The following KLHL26 variants were observed in gnomAD, a reference collection of about 807,000 sequenced individuals.
The protein encoded by KLHL26 is kelch-like protein 26.
A neutral mutation model predicts 7.1 loss-of-function variants in KLHL26; 4 were observed. The observed-to-expected ratio is 0.56, with a 90% confidence interval of 0.28 to 1.28. KLHL26 has a LOEUF of 1.28. Ranked by LOEUF, KLHL26 falls within the 50% of genes most tolerant of loss-of-function variation. KLHL26 has a pLI of 0.11. For missense variants in KLHL26, 896 were observed against 924.6 expected (o/e 0.97, Z 0.40); for synonymous variants, 465 against 414.1 (o/e 1.12, Z -1.49).
In KLHL26 at chr19:18,668,240, G is replaced by T. The variant is rs746330092; in HGVS notation, c.843G>T (p.Leu281=). ...MVEDVLCRQY[L]LEAFNYQVLP... is the part of the protein sequence containing the mutation. ...AGGACGTGCTGTGCCGCCAGTATCT[G>T]CTGGAGGCCTTCAACTACCAGGTGC... The change falls in exon 3 of 3, where the codon CTG becomes CTT. Residue 281 remains leucine, a synonymous_variant. Transcript: ENST00000300976. 1.2e-6 allele frequency: 2 copies of T among 1,612,196 alleles called. No homozygotes were observed. Among genetic ancestry groups the T allele is most frequent in the Admixed American group, 3.3e-5 (2 of 60,036 alleles).
chr19:18,655,704 A>G, intron 1 of KLHL26, among the ~76,000 whole-genome samples: 2 of 151,900 alleles, frequency 1.3e-5, no homozygotes, highest in African/African-American at 4.8e-5. Flanking sequence ...GGAGGCAGAG[A>G]GCTTGCTGCT....
At position 18,670,265 on chromosome 19, in the gene KLHL26, C is replaced by T. The variant is rs988136085; in HGVS notation, c.*1020C>T. 1.3e-5 allele frequency: 2 copies of T among 152,162 alleles called. No homozygotes were observed. Among genetic ancestry groups the T allele is most frequent in the Non-Finnish European group, 2.9e-5 (2 of 68,042 alleles). The allele number at this position is 152,162 out of a possible 1,614,324, so 9.4% of individuals were successfully genotyped here. On this transcript the variant is annotated 3_prime_UTR_variant, in exon 3 of 3. Coordinates refer to ENST00000300976, the MANE Select transcript of KLHL26 (RefSeq NM_018316.3). ...GGCCACATTTGTTCTAATGTCTGAACCTCTAAATCTTTTCTTTTTGATTGG... is the reference window on the plus strand; with the variant it reads ...GGCCACATTTGTTCTAATGTCTGAATCTCTAAATCTTTTCTTTTTGATTGG...
Position 18,660,392 on chromosome 19 carries a change from C to T in KLHL26, c.84-3869C>T, listed in dbSNP as rs544558176. The stretch of plus-strand genomic sequence containing the variant: ...GGCGGGCAGCAATGGCCTCTTGAGA[C>T]GGCCCTGGCCGGGGCTGCTGACGCA... On this transcript the variant is annotated intron_variant, in intron 1 of 2. Coordinates refer to ENST00000300976, the MANE Select transcript of KLHL26 (RefSeq NM_018316.3). Among the ~76,000 whole-genome samples the T allele has an allele frequency of 1.9e-4, 29 of 152,352 alleles. No homozygotes were observed. In the East Asian group the frequency reaches 5.0e-3, roughly 26 times the overall value.
chr19:18,662,156 G>C (rs992408776), intron 1 of KLHL26, among the ~76,000 whole-genome samples: 1 of 152,196 alleles, frequency 6.6e-6, no homozygotes, highest in Admixed American at 6.5e-5. Flanking sequence ...TGTTTCTTCT[G>C]ATGAAAATGT....
rs374677452 is a variant in KLHL26 at position 18,668,404 on chromosome 19, C to T, written c.1007C>T (p.Pro336Leu). 44 of 1,604,016 alleles carry T rather than the reference C, an allele frequency of 2.7e-5. No homozygotes were observed. The highest frequency in any genetic ancestry group is 1.2e-4 in the Admixed American group (7 of 59,532). The stretch of plus-strand genomic sequence containing the variant: ...AGCAAGGTCTACCAGCTGCCTGAGC[C>T]GGGAGCCCGCCACTTCCGCGAGCTC... The part of the protein sequence containing the change: ...VSSKVYQLPE[P>L]GARHFRELTE... The change falls in exon 3 of 3, where the codon CCG becomes CTG. Residue 336 changes from proline (P) to leucine (L), a missense_variant. By Grantham distance (98) the Pro-to-Leu change is moderately conservative. Coordinates refer to ENST00000300976, the MANE Select transcript of KLHL26 (RefSeq NM_018316.3).
chr19:18,653,122 C>T (rs982863250), intron 1 of KLHL26, among the ~76,000 whole-genome samples: 63 of 152,238 alleles, frequency 4.1e-4, no homozygotes, highest in African/African-American at 1.4e-3. Context: ...TGAGACTGCT[C>T]ACCAAGGCTC....
chr19:18,668,047 G>A lies in KLHL26; in HGVS notation c.650G>A (p.Arg217Gln), dbSNP rs1325421378. 1.9e-6 allele frequency: 3 copies of A among 1,608,162 alleles called. No homozygotes were observed. The highest frequency in any genetic ancestry group is 2.2e-5 in the South Asian group (2 of 91,090). ...CTGGTCTTCTTCCTGCAGAGCAACCGGCTGCAGAGCTGTGCCGAGATCGAC... is the reference window on the plus strand; with the variant it reads ...CTGGTCTTCTTCCTGCAGAGCAACCAGCTGCAGAGCTGTGCCGAGATCGAC... ...ERLVFFLQSN[R>Q]LQSCAEIDLF... is the part of the protein sequence containing the mutation. The change falls in exon 3 of 3, where the codon CGG becomes CAG. Residue 217 changes from arginine to glutamine, a missense_variant. By Grantham distance (43) the Arg-to-Gln change is conservative. Transcript: ENST00000300976.
intron 1 of KLHL26, chr19:18,644,734 G>A (rs932744446): frequency 2.0e-5 from 3 of 152,270 alleles, no homozygotes; most frequent in Admixed American, 6.5e-5. Flanking sequence ...GGGGCTGCTG[G>A]GGGGCAGTGG....
At position 18,667,721 on chromosome 19, in the gene KLHL26, C is replaced by T; in HGVS notation, c.324C>T (p.Gly108=). ...GCCAGGACGTCATCGAGCTGAAGGG[C>T]GTGTCGGCCCGTGGCCTGCGGCACA... is the stretch of plus-strand genomic sequence containing the variant. ...EASQDVIELK[G]VSARGLRHII... is the part of the protein sequence containing the mutation. Residue 108 remains glycine, a synonymous_variant, in exon 3 of 3, where the codon GGC becomes GGT. Coordinates refer to ENST00000300976, the MANE Select transcript of KLHL26 (RefSeq NM_018316.3). The T allele has an allele frequency of 2.5e-6, 4 of 1,613,076 alleles. No individual in the cohort carries two copies. Among genetic ancestry groups the T allele is most frequent in the South Asian group, 1.1e-5 (1 of 91,064 alleles).
chr19:18,639,410 T>TTTTTTC (rs1976674461), intron 1 of KLHL26, among the ~76,000 whole-genome samples: 1 of 137,802 alleles, frequency 7.3e-6, no homozygotes, highest in Admixed American at 7.3e-5. Flanking sequence ...TAAGTTTTTT[T>TTTTTTC]TTTTTTTTTT....
Position 18,668,092 on chromosome 19 carries a change from G to A in KLHL26, c.695G>A (p.Arg232His), listed in dbSNP as rs753595186. ...ATCGACCTGTTCCGCGCGGCCGTCC[G>A]CTGGCTGCAGCATGACCCGGCCCGG... ...AEIDLFRAAVRWLQHDPARRP... is the reference protein window; with the variant it reads ...AEIDLFRAAVHWLQHDPARRP... Residue 232 changes from arginine (R) to histidine (H), a missense_variant, in exon 3 of 3, where the codon CGC becomes CAC. Arg to His is a conservative substitution (Grantham distance 29). Transcript: ENST00000300976. The A allele has an allele frequency of 8.1e-6, 13 of 1,604,538 alleles. No individual in the cohort carries two copies. Among genetic ancestry groups the A allele is most frequent in the South Asian group, 7.7e-5 (7 of 91,064 alleles).
Position 18,667,931 on chromosome 19 carries a change from C to G in KLHL26, c.534C>G (p.Ala178=), listed in dbSNP as rs2052469645. Residue 178 remains alanine, a synonymous_variant, in exon 3 of 3, where the codon GCC becomes GCG. Coordinates refer to ENST00000300976, the MANE Select transcript of KLHL26 (RefSeq NM_018316.3). ...IGQMATTFSL[A]SLRESVDAFT... ...AGATGGCCACCACCTTCAGCCTGGC[C>G]TCGCTGCGAGAGTCGGTGGATGCCT... 1 of 1,611,276 alleles carries G rather than the reference C, an allele frequency of 6.2e-7. No homozygotes were observed. Among genetic ancestry groups the G allele is most frequent in the South Asian group, 1.1e-5 (1 of 91,092 alleles).
At chr19:18,664,223 A>T (rs1469123550) in intron 1 of KLHL26, 38 bp from the exon 2 acceptor site, 1 of 1,545,306 alleles carries the variant, frequency 6.5e-7, no homozygotes, top group Admixed American at 1.9e-5. Flanking sequence ...GTGTGTGTGA[A>T]CCTCTGGGCC....
chr19:18,669,491 T>TC lies in KLHL26; in HGVS notation c.*250dup. On this transcript the variant is annotated 3_prime_UTR_variant, in exon 3 of 3. Coordinates refer to ENST00000300976, the MANE Select transcript of KLHL26 (RefSeq NM_018316.3). ...CTGACATGTGGTGGCAGCAAATTCG[T>TC]CCCCGGGGTGGTTTCCTCGCCTGGC... 1.8e-6 allele frequency: 1 copy of TC among 567,846 alleles called. No homozygotes were observed. Among genetic ancestry groups the TC allele is most frequent in the East Asian group, 3.0e-5 (1 of 33,818 alleles). The allele number at this position is 567,846 out of a possible 1,614,324, so 35.2% of individuals were successfully genotyped here.
At chr19:18,667,348 GTTT>G in intron 2 of KLHL26, 1 of 380,036 alleles carries the variant, frequency 2.6e-6, no homozygotes, top group Admixed American at 3.9e-5. Flanking sequence ...GCATGTTTTT[GTTT>G]GTTTGTTTGT....
rs149460286 is a variant in KLHL26, at chr19:18,666,139, C to T, written c.267-1525C>T. On this transcript the variant is annotated intron_variant, in intron 2 of 2. Transcript: ENST00000300976. The stretch of plus-strand genomic sequence containing the variant: ...TCATGCCCGAGGGCCAGCGTGGACC[C>T]GTGGGGACAAGCGGGGCAGGGTCTG... 4.3e-4 allele frequency among the ~76,000 whole-genome samples: 65 copies of T among 152,322 alleles called. No individual in the cohort carries two copies. In the East Asian group the frequency reaches 0.011, roughly 27 times the overall value.
Position 18,668,705 on chromosome 19 carries a change from G to A in KLHL26, c.1308G>A (p.Arg436=). 1 of 1,572,560 alleles carries A rather than the reference G, an allele frequency of 6.4e-7. No individual in the cohort carries two copies. ...CCTCCGTGGAGCGGTACTGCCCCCG[G>A]CGCAATGAGTGGGGCTACGCCTGCT... The part of the protein sequence containing the change: ...SLASVERYCP[R]RNEWGYACSL... Residue 436 remains arginine (R), a synonymous_variant, in exon 3 of 3, where the codon CGG becomes CGA. Transcript: ENST00000300976.
rs552472475 is a variant in KLHL26, at chr19:18,668,161, T to A, written c.764T>A (p.Leu255His). The A allele has an allele frequency of 1.2e-6, 2 of 1,608,958 alleles. No homozygotes were observed. The highest frequency in any genetic ancestry group is 4.5e-5 in the East Asian group (2 of 44,856). Residue 255 changes from leucine to histidine, a missense_variant, in exon 3 of 3, where the codon CTC becomes CAC. Coordinates refer to ENST00000300976, the MANE Select transcript of KLHL26 (RefSeq NM_018316.3). ...SHVLCHIRFP[L>H]MQSSELVDSV... ...GTGCTCTGCCACATTCGCTTCCCGC[T>A]CATGCAGTCGTCCGAGCTGGTGGAC...
At chr19:18,637,190 C>G (rs1015490446) in intron 1 of KLHL26, 53 bp downstream of exon 1, 1 of 1,270,942 alleles carries the variant, frequency 7.9e-7, no homozygotes, top group African/African-American at 1.5e-5. Context: ...CCCAGGAAAC[C>G]TGTGGGCAGT....
Sources: allele counts gnomAD v4.1 joint callset (sites outside exome capture counted in the v4.1 genomes callset), GRCh38; gene constraint gnomAD v4.1.1; transcripts MANE v1.5; gene names NCBI Gene and HGNC (gene_info 2026-07-23, HGNC 2026-07-21).